Variants in ATF7 observed in about 807,000 individuals in gnomAD.
ATF7 encodes the protein cyclic AMP-dependent transcription factor ATF-7.
A neutral mutation model predicts 50.4 loss-of-function variants in ATF7; 10 were observed. The ratio of observed to expected loss-of-function variants is 0.20; its 90% CI spans 0.12 to 0.34. The LOEUF (loss-of-function observed/expected upper bound fraction) is 0.34. ATF7 is among the 10% of genes least tolerant of loss of function. The probability of loss-of-function intolerance (pLI) is 1.00; values close to 1 mark genes in which losing one functional copy is unlikely to be tolerated. For missense variants in ATF7, 465 were observed against 613.9 expected, an observed-to-expected ratio of 0.76 and a Z score of 2.56; for synonymous variants, 201 against 226.4, an observed-to-expected ratio of 0.89 and a Z score of 1.01.
intron 1 of ATF7, among the ~76,000 whole-genome samples, chr12:53,622,310 T>G (rs1018098823): frequency 6.9e-6 from 1 of 144,128 alleles, no homozygotes; most frequent in Non-Finnish European, 1.5e-5. Flanking sequence ...TCAAAAATAA[T>G]AATAATAATA....
downstream of ATF7, among the ~76,000 whole-genome samples, chr12:53,511,495 C>G (rs1217544943): frequency 6.6e-6 from 1 of 152,208 alleles, no homozygotes; most frequent in Admixed American, 6.5e-5. Flanking sequence ...GGTGATCAAC[C>G]CGCCTCAGCC....
chr12:53,583,230 C>T (rs1454346305), intron 2 of ATF7, among the ~76,000 whole-genome samples: 1 of 152,172 alleles, frequency 6.6e-6, no homozygotes, highest in African/African-American at 2.4e-5. Context: ...AGCCACTCCC[C>T]ATCACTTGCA....
In ATF7 at chr12:53,610,053, G is replaced by C. The variant is rs1345869898; in HGVS notation, c.-21-9032C>G. Among the ~76,000 whole-genome samples the C allele has an allele frequency of 6.6e-5, 10 of 151,904 alleles. No homozygotes were observed. The East Asian group carries it at 7.8e-4, about 12-fold the overall frequency. On this transcript the variant is annotated intron_variant, in intron 1 of 11. Coordinates refer to ENST00000420353, the MANE Select transcript of ATF7 (RefSeq NM_006856.3). ...GCTGGTTTCGAACTCCTGACCTCAA[G>C]TGATCCGCCCGCCTCGGCCTCCCAA...
At chr12:53,529,010 C>T (rs770239390) in intron 9 of ATF7, among the ~76,000 whole-genome samples, 62 of 151,828 alleles carry the variant, frequency 4.1e-4, no homozygotes, top group Non-Finnish European at 7.8e-4. Context: ...GAGGCTGAGG[C>T]GGGAGGACTG....
intron 9 of ATF7, among the ~76,000 whole-genome samples, chr12:53,527,082 C>G (rs1938524677): frequency 6.6e-6 from 1 of 151,826 alleles, no homozygotes; most frequent in Non-Finnish European, 1.5e-5. Context: ...TCGGTTGAAC[C>G]TGGGAGGTGG....
chr12:53,523,837 A>AG (rs532673046), intron 10 of ATF7, among the ~76,000 whole-genome samples: 59 of 152,300 alleles, frequency 3.9e-4, no homozygotes, highest in African/African-American at 1.4e-3. Context: ...AAAAAGAATG[A>AG]GGTAGATCTC....
At chr12:53,554,374 A>T (rs1940578044) in intron 2 of ATF7, among the ~76,000 whole-genome samples, 1 of 151,078 alleles carries the variant, frequency 6.6e-6, no homozygotes, top group African/African-American at 2.4e-5. Context: ...CAGGTGATCC[A>T]CTCACCTTGG....
At chr12:53,546,539 C>A (rs1257540051) in intron 3 of ATF7, among the ~76,000 whole-genome samples, 1 of 151,770 alleles carries the variant, frequency 6.6e-6, no homozygotes, top group Non-Finnish European at 1.5e-5. Context: ...ACCTCCACCT[C>A]CCAGGATCAC....
intron 2 of ATF7, among the ~76,000 whole-genome samples, chr12:53,568,779 C>T (rs1360300656): frequency 6.6e-6 from 1 of 152,184 alleles, no homozygotes; most frequent in Non-Finnish European, 1.5e-5. Flanking sequence ...TGGATGTTTA[C>T]TTTCTAACCA....
intron 1 of ATF7, among the ~76,000 whole-genome samples, chr12:53,616,164 A>T (rs768222714): frequency 2.6e-5 from 4 of 152,192 alleles, no homozygotes; most frequent in Admixed American, 6.5e-5. Context: ...GTGACCACAG[A>T]TGTCCATGCC....
chr12:53,593,871 C>T (rs1311173240), intron 2 of ATF7, among the ~76,000 whole-genome samples: 1 of 152,214 alleles, frequency 6.6e-6, no homozygotes, highest in Non-Finnish European at 1.5e-5. Context: ...TAGATGTACA[C>T]ACAGATGTGT....
At chr12:53,538,098 T>G (rs796658521) in intron 4 of ATF7, among the ~76,000 whole-genome samples, 1 of 152,138 alleles carries the variant, frequency 6.6e-6, no homozygotes, top group Non-Finnish European at 1.5e-5. Flanking sequence ...TCCCCAACTA[T>G]AAGATGAAGA....
At chr12:53,561,713 GAAAT>G (rs902940337) in intron 2 of ATF7, among the ~76,000 whole-genome samples, 6 of 152,136 alleles carry the variant, frequency 3.9e-5, no homozygotes, top group Non-Finnish European at 5.9e-5. Context: ...CCAATGATGG[GAAAT>G]AAATAAATAA....
intron 2 of ATF7, among the ~76,000 whole-genome samples, chr12:53,597,782 T>C (rs111679994): frequency 0.038 from 5,657 of 150,120 alleles, 330 homozygotes; most frequent in African/African-American, 0.12. Flanking sequence ...GCACTCCAGC[T>C]TGGGCGACAG....
chr12:53,537,316 A>G, intron 5 of ATF7, 99 bp downstream of exon 5: 5 of 1,420,788 alleles, frequency 3.5e-6, no homozygotes, highest in East Asian at 2.4e-5. Context: ...TGATTCTCCC[A>G]TCTTGGCCTC....
Position 53,524,716 on chromosome 12 carries a change from G to A in ATF7, c.973C>T (p.Arg325Cys), listed in dbSNP as rs2137339431. 5 of 1,612,272 alleles carry A rather than the reference G, an allele frequency of 3.1e-6. No homozygotes were observed. The highest frequency in any genetic ancestry group is 1.7e-4 in the Middle Eastern group (1 of 6,050). ...PTPSTGGRRR[R>C]TVDEDPDERR... ...TCATCTGGATCTTCATCTACTGTGC[G>A]CCGCCGTCGCCCCCCAGTACTAGGG... Residue 325 changes from arginine (R) to cysteine (C), a missense_variant, in exon 10 of 12, where the codon CGC becomes TGC. Physicochemically the swap from Arg to Cys is radical, Grantham distance 180. Transcript: ENST00000420353. This position sits in a 1 kb window ranked among gnomAD's most constrained non-coding sequence, Gnocchi z 4.6.
intron 1 of ATF7, among the ~76,000 whole-genome samples, chr12:53,612,212 G>A (rs1028744393): frequency 7.2e-5 from 11 of 152,124 alleles, no homozygotes; most frequent in Non-Finnish European, 1.3e-4. Context: ...CTGACCTCAA[G>A]TGATCCTCCT....
chr12:53,601,135 A>G (rs1394113170), intron 1 of ATF7, 114 bp from the exon 2 acceptor site: 1 of 752,970 alleles, frequency 1.3e-6, no homozygotes, highest in Non-Finnish European at 2.1e-6. Context: ...AATGCCATCT[A>G]TCAAAGTTGT....
At chr12:53,532,391 A>G in intron 8 of ATF7, 119 bp downstream of exon 8, 1 of 726,972 alleles carries the variant, frequency 1.4e-6, no homozygotes, top group Admixed American at 2.8e-5. Context: ...CACAGCAGGG[A>G]GTCCTTAGCT....
Sources: gnomAD v4.1 joint callset for allele counts (sites outside exome capture counted in the v4.1 genomes callset) on GRCh38, gnomAD v4.1.1 for gene constraint, Gnocchi (gnomAD v3.1) non-coding constraint, MANE v1.5 for transcripts, NCBI Gene and HGNC (gene_info 2026-07-23, HGNC 2026-07-21) for gene names.